The following BRINP3 variants were observed in gnomAD, a reference collection of about 807,000 sequenced individuals.
BRINP3 encodes the protein BMP/retinoic acid-inducible neural-specific protein 3.
In BRINP3, 19 loss-of-function variants were observed where a neutral mutation model predicts 71.0. That is an observed-to-expected ratio of 0.27 (90% confidence interval 0.19 to 0.39). The LOEUF (loss-of-function observed/expected upper bound fraction) is 0.39, where lower values mean the gene tolerates loss of function less well. BRINP3 is among the 10% of genes least tolerant of loss of function. The probability of loss-of-function intolerance (pLI) is 1.00; values close to 1 mark genes in which losing one functional copy is unlikely to be tolerated. For synonymous variants in BRINP3, 380 were observed against 337.7 expected, an observed-to-expected ratio of 1.13 and a Z score of -1.37; for missense variants, 959 against 940.8, an observed-to-expected ratio of 1.02 and a Z score of -0.25.
chr1:190,361,803 A>G (rs1480374265), intron 2 of BRINP3, among the ~76,000 whole-genome samples: 2 of 152,286 alleles, frequency 1.3e-5, no homozygotes, highest in South Asian at 4.1e-4. Context: ...TGCAAACTTC[A>G]TCATCCACAA....
chr1:190,187,868 T>G (rs1214196983), intron 6 of BRINP3, among the ~76,000 whole-genome samples: 2 of 151,620 alleles, frequency 1.3e-5, no homozygotes, highest in African/African-American at 4.8e-5. Flanking sequence ...TTCAGAGGCT[T>G]TTGCAGTATC....
At chr1:190,323,556 A>G (rs1205012036) in intron 2 of BRINP3, among the ~76,000 whole-genome samples, 5 of 151,814 alleles carry the variant, frequency 3.3e-5, no homozygotes, top group Non-Finnish European at 2.9e-5. Context: ...CGAATAAAAT[A>G]ATAATTTAAT....
chr1:190,352,236 T>A (rs954349404), intron 2 of BRINP3, among the ~76,000 whole-genome samples: 8 of 152,032 alleles, frequency 5.3e-5, no homozygotes, highest in African/African-American at 1.9e-4. Flanking sequence ...TACTGAAAAT[T>A]TGTTTTAGAC....
chr1:190,125,774 A>G (rs918270130), intron 7 of BRINP3, among the ~76,000 whole-genome samples: 24 of 152,022 alleles, frequency 1.6e-4, no homozygotes, highest in Non-Finnish European at 2.5e-4. Flanking sequence ...TGGTACCTAT[A>G]GTGACTTAAG....
chr1:190,166,198 T>C (rs1011146690), intron 6 of BRINP3, among the ~76,000 whole-genome samples: 1 of 152,174 alleles, frequency 6.6e-6, no homozygotes, highest in Non-Finnish European at 1.5e-5. Flanking sequence ...GCAAGCCTGT[T>C]CAATAGCTTG....
chr1:190,477,042 C>T (rs1423852897), intron 1 of BRINP3, among the ~76,000 whole-genome samples: 1 of 152,122 alleles, frequency 6.6e-6, no homozygotes, highest in African/African-American at 2.4e-5. Flanking sequence ...GACTAGCGAA[C>T]TTTCCAGACC....
intron 2 of BRINP3, among the ~76,000 whole-genome samples, chr1:190,296,372 C>T (rs1664255780): frequency 6.6e-6 from 1 of 151,944 alleles, no homozygotes; most frequent in Admixed American, 6.6e-5. Flanking sequence ...ATTCAACATT[C>T]TTTTATGATA....
At chr1:190,408,784 T>C (rs1396016700) in intron 2 of BRINP3, among the ~76,000 whole-genome samples, 1 of 152,226 alleles carries the variant, frequency 6.6e-6, no homozygotes, top group Non-Finnish European at 1.5e-5. Context: ...TTGAATAGGC[T>C]ATCAACCACC....
At chr1:190,368,393 A>G (rs1360169037) in intron 2 of BRINP3, among the ~76,000 whole-genome samples, 3 of 152,068 alleles carry the variant, frequency 2.0e-5, no homozygotes, top group Admixed American at 6.6e-5. Flanking sequence ...GCGGCAGGCC[A>G]TGTCTCACTA....
intron 2 of BRINP3, among the ~76,000 whole-genome samples, chr1:190,443,723 T>G (rs1267064304): frequency 6.6e-6 from 1 of 152,124 alleles, no homozygotes; most frequent in African/African-American, 2.4e-5. Context: ...ACTGAGAGGT[T>G]TATCCCCCAC....
In BRINP3 at chr1:190,256,275, C is replaced by T. The variant is rs202049640; in HGVS notation, c.618+8590G>A. Among the ~76,000 whole-genome samples, 53 of 152,014 alleles carry T rather than the reference C, an allele frequency of 3.5e-4. 1 individual carries two copies. In the East Asian group the frequency reaches 7.4e-3, roughly 21 times the overall value. ...TTGTGGTGGAGAGTTCTCTAGATGT[C>T]GATTAGGTCTGTTTTATCAGAGACT... is the stretch of plus-strand genomic sequence containing the variant. On this transcript the variant is annotated intron_variant, in intron 4 of 7. Coordinates refer to ENST00000367462, the MANE Select transcript of BRINP3 (RefSeq NM_199051.3).
intron 7 of BRINP3, among the ~76,000 whole-genome samples, chr1:190,131,748 A>G (rs577859452): frequency 4.6e-5 from 7 of 152,170 alleles, no homozygotes; most frequent in African/African-American, 1.7e-4. Context: ...CCAGCTCTCC[A>G]TGATCTTGCT....
chr1:190,205,392 G>C (rs1270131262), intron 6 of BRINP3, among the ~76,000 whole-genome samples: 2 of 152,002 alleles, frequency 1.3e-5, no homozygotes, highest in African/African-American at 2.4e-5. Context: ...GTAGGAGGCA[G>C]ACAACAGTTG....
intron 4 of BRINP3, among the ~76,000 whole-genome samples, chr1:190,259,430 A>G (rs182788596): frequency 1.6e-3 from 242 of 151,966 alleles, no homozygotes; most frequent in African/African-American, 5.7e-3. Context: ...GACAAAATCA[A>G]CACATTTTCA....
At chr1:190,200,286 G>A (rs1331621109) in intron 6 of BRINP3, among the ~76,000 whole-genome samples, 1 of 152,062 alleles carries the variant, frequency 6.6e-6, no homozygotes, top group Non-Finnish European at 1.5e-5. Flanking sequence ...AAAGTCTATT[G>A]TCTTATGCCT....
chr1:190,416,574 T>G (rs958520096), intron 2 of BRINP3, among the ~76,000 whole-genome samples: 4 of 152,156 alleles, frequency 2.6e-5, no homozygotes, highest in African/African-American at 9.7e-5. Context: ...GTGTAGTAGG[T>G]GTCCACAGAC....
intron 7 of BRINP3, among the ~76,000 whole-genome samples, chr1:190,111,311 T>A (rs1464318120): frequency 6.6e-6 from 1 of 152,154 alleles, no homozygotes; most frequent in African/African-American, 2.4e-5. Flanking sequence ...TTTCTTTTTT[T>A]AATTAGTAGG....
At chr1:190,151,681 ATAG>A (rs1173882643) in intron 7 of BRINP3, among the ~76,000 whole-genome samples, 9 of 152,298 alleles carry the variant, frequency 5.9e-5, no homozygotes, top group African/African-American at 2.2e-4. Context: ...TTACAAGGAC[ATAG>A]TGGTGTAATC....
chr1:190,210,145 CT>C (rs1558068088), intron 6 of BRINP3, among the ~76,000 whole-genome samples: 1 of 152,058 alleles, frequency 6.6e-6, no homozygotes, highest in Non-Finnish European at 1.5e-5. Flanking sequence ...CTTGTCATGG[CT>C]TCTAAGAGTT....
Sources: allele counts gnomAD v4.1 joint callset (sites outside exome capture counted in the v4.1 genomes callset), GRCh38; gene constraint gnomAD v4.1.1; transcripts MANE v1.5; gene names NCBI Gene and HGNC (gene_info 2026-07-23, HGNC 2026-07-21).